The following TRHDE variants were observed in gnomAD, a reference collection of about 807,000 sequenced individuals.
The protein encoded by TRHDE is thyrotropin releasing hormone degrading enzyme.
In TRHDE, 72 loss-of-function variants were observed where a neutral mutation model predicts 125.7. The ratio of observed to expected loss-of-function variants is 0.57; its 90% CI spans 0.47 to 0.70. The LOEUF (loss-of-function observed/expected upper bound fraction) is 0.70, where lower values mean the gene tolerates loss of function less well. Among genes scored for constraint, TRHDE ranks in the 30% least tolerant of loss-of-function variants. TRHDE has a pLI of 0.00. For synonymous variants in TRHDE, 509 were observed against 509.1 expected, an observed-to-expected ratio of 1.00 and a Z score of 0.00; for missense variants, 1,110 against 1,327.1, an observed-to-expected ratio of 0.84 and a Z score of 2.54.
chr12:72,339,262 G>A (rs1020193602), intron 2 of TRHDE, among the ~76,000 whole-genome samples: 2 of 151,940 alleles, frequency 1.3e-5, no homozygotes, highest in Admixed American at 6.6e-5. Context: ...ATATTTTACT[G>A]AAAATATTGA....
At chr12:72,502,650 A>G (rs548530183) in intron 6 of TRHDE, among the ~76,000 whole-genome samples, 37 of 152,248 alleles carry the variant, frequency 2.4e-4, no homozygotes, top group Non-Finnish European at 4.7e-4. Flanking sequence ...AGAGTGTTCT[A>G]TAAATGCCAG....
chr12:72,564,408 G>A (rs911735807), intron 9 of TRHDE, among the ~76,000 whole-genome samples: 7 of 152,094 alleles, frequency 4.6e-5, no homozygotes, highest in African/African-American at 1.7e-4. Context: ...AGAGAGATTC[G>A]GGCCAGGCCT....
chr12:72,108,280 G>A (rs1392718346), intron 2 of TRHDE, among the ~76,000 whole-genome samples: 2 of 152,116 alleles, frequency 1.3e-5, no homozygotes, highest in African/African-American at 4.8e-5. Context: ...TAGATAGGCT[G>A]AATTTTGTTG....
intron 18 of TRHDE, among the ~76,000 whole-genome samples, chr12:72,661,996 T>G (rs1343362016): frequency 6.6e-6 from 1 of 152,170 alleles, no homozygotes; most frequent in African/African-American, 2.4e-5. Flanking sequence ...AAGTAACACT[T>G]ATAAATAAAC....
chr12:72,096,209 T>C (rs1874917981), intron 1 of TRHDE, among the ~76,000 whole-genome samples: 2 of 151,706 alleles, frequency 1.3e-5, no homozygotes, highest in African/African-American at 2.4e-5. Flanking sequence ...CTGACTAATA[T>C]ACTTAGTGGA....
chr12:72,662,863 T>A (rs1013228559), intron 18 of TRHDE, among the ~76,000 whole-genome samples, 189 bp from the exon 19 acceptor site: 1 of 150,004 alleles, frequency 6.7e-6, no homozygotes, highest in African/African-American at 2.5e-5. Context: ...CTAATTGACA[T>A]AATCTGTCAT....
intron 6 of TRHDE, among the ~76,000 whole-genome samples, chr12:72,508,220 A>T (rs1419196754): frequency 1.3e-5 from 2 of 152,176 alleles, no homozygotes; most frequent in African/African-American, 4.8e-5. Flanking sequence ...TGGGGCTGTG[A>T]GAAGAGGGCT....
intron 10 of TRHDE, among the ~76,000 whole-genome samples, chr12:72,569,349 T>C (rs1870611999): frequency 6.6e-6 from 1 of 152,238 alleles, no homozygotes; most frequent in South Asian, 2.1e-4. Context: ...TATCATCTTT[T>C]ATGTAACATT....
At chr12:72,141,370 A>AC (rs1253716653) in intron 2 of TRHDE, among the ~76,000 whole-genome samples, 1 of 152,036 alleles carries the variant, frequency 6.6e-6, no homozygotes, top group Non-Finnish European at 1.5e-5. Context: ...ATGCTATGAG[A>AC]CCCCAGTTTT....
chr12:72,626,395 G>A, intron 15 of TRHDE, among the ~76,000 whole-genome samples: 1 of 151,812 alleles, frequency 6.6e-6, no homozygotes, highest in East Asian at 1.9e-4. Context: ...CACTATCTTT[G>A]GGTAGTGGGT....
intron 1 of TRHDE, among the ~76,000 whole-genome samples, chr12:72,096,781 G>A (rs886436051): frequency 6.6e-6 from 1 of 152,174 alleles, no homozygotes; most frequent in East Asian, 1.9e-4. Context: ...AAAGATCTGG[G>A]ATATAGGCGA....
intron 2 of TRHDE, among the ~76,000 whole-genome samples, chr12:72,166,482 A>G (rs1876751895): frequency 6.6e-6 from 1 of 152,228 alleles, no homozygotes; most frequent in South Asian, 2.1e-4. Context: ...TTGGTGTGCT[A>G]TGAGACTCTA....
intron 2 of TRHDE, among the ~76,000 whole-genome samples, chr12:72,160,564 C>G (rs1210847206): frequency 6.6e-6 from 1 of 152,092 alleles, no homozygotes; most frequent in Non-Finnish European, 1.5e-5. Flanking sequence ...TGGAGGGCAC[C>G]TGTAATCCCA....
At chr12:72,431,594 G>A (rs1393811842) in intron 3 of TRHDE, 1 of 151,104 alleles carries the variant, frequency 6.6e-6, no homozygotes, top group East Asian at 1.9e-4. Context: ...TTGATTCTAT[G>A]GGGAAAAAAT....
intron 2 of TRHDE, among the ~76,000 whole-genome samples, chr12:72,121,751 A>G (rs1875588859): frequency 2.5e-5 from 3 of 120,622 alleles, no homozygotes; most frequent in African/African-American, 6.5e-5. Context: ...TGATGTGGAT[A>G]GTGGTTCAGT....
At position 72,273,309 on chromosome 12, in the gene TRHDE, C is replaced by T; in HGVS notation, c.666C>T (p.Thr222=). The part of the protein sequence containing the change: ...VNVEIACRNA[T]RYVVLHASRV... ...TGGAGATCGCGTGCCGGAACGCCAC[C>T]CGCTACGTAGTGCTGCACGCTTCCC... Residue 222 remains threonine (T), a synonymous_variant, in exon 1 of 19, where the codon ACC becomes ACT. Coordinates refer to ENST00000261180, the MANE Select transcript of TRHDE (RefSeq NM_013381.3). This position sits in a 1 kb window ranked among gnomAD's most constrained non-coding sequence, Gnocchi z 5.3. 7.4e-6 allele frequency: 12 copies of T among 1,613,752 alleles called. No individual in the cohort carries two copies. Among genetic ancestry groups the T allele is most frequent in the Non-Finnish European group, 1.0e-5 (12 of 1,179,942 alleles).
At chr12:72,331,295 C>G (rs377050252) in intron 2 of TRHDE, among the ~76,000 whole-genome samples, 13 of 152,102 alleles carry the variant, frequency 8.5e-5, no homozygotes, top group Non-Finnish European at 1.6e-4. Flanking sequence ...TAGCACTTAC[C>G]GGTGTCTTGT....
chr12:72,492,546 A>T (rs1877729439), intron 5 of TRHDE, among the ~76,000 whole-genome samples: 1 of 151,824 alleles, frequency 6.6e-6, no homozygotes, highest in Non-Finnish European at 1.5e-5. Context: ...TCTGATGGAT[A>T]TTTTCCCCCA....
At chr12:72,214,199 C>T (rs1267806355) in intron 2 of TRHDE, among the ~76,000 whole-genome samples, 1 of 152,114 alleles carries the variant, frequency 6.6e-6, no homozygotes, top group African/African-American at 2.4e-5. Context: ...AATTCTGCTG[C>T]AGTTCTCTTT....
Sources: allele counts gnomAD v4.1 joint callset (sites outside exome capture counted in the v4.1 genomes callset), GRCh38; gene constraint gnomAD v4.1.1; non-coding constraint Gnocchi (gnomAD v3.1); transcripts MANE v1.5; gene names NCBI Gene and HGNC (gene_info 2026-07-23, HGNC 2026-07-21).